The following AUTS2 variants were observed in gnomAD, a reference collection of about 807,000 sequenced individuals.
AUTS2 encodes activator of transcription and developmental regulator AUTS2.
In AUTS2, 17 loss-of-function variants were observed where a neutral mutation model predicts 112.4. The observed-to-expected ratio is 0.15, with a 90% confidence interval of 0.10 to 0.23. The LOEUF is 0.23. Among genes scored for constraint, AUTS2 ranks in the 10% least tolerant of loss-of-function variants. The pLI, the probability that AUTS2 is intolerant of heterozygous loss-of-function variation, is 1.00. For missense variants in AUTS2, 1,510 were observed against 1,701.6 expected, an observed-to-expected ratio of 0.89 and a Z score of 1.98; for synonymous variants, 751 against 702.7, an observed-to-expected ratio of 1.07 and a Z score of -1.09.
At chr7:70,569,684 C>T (rs1226240212) in intron 5 of AUTS2, among the ~76,000 whole-genome samples, 2 of 152,218 alleles carry the variant, frequency 1.3e-5, no homozygotes, top group African/African-American at 2.4e-5. Flanking sequence ...GCTACAGATC[C>T]TGGCTGCTAA....
intron 1 of AUTS2, among the ~76,000 whole-genome samples, chr7:69,680,528 T>G (rs1796745048): frequency 6.6e-6 from 1 of 152,244 alleles, no homozygotes; most frequent in African/African-American, 2.4e-5. Context: ...TATAGTCATT[T>G]CATTGTGAAA....
chr7:70,348,790 G>A (rs942717013), intron 4 of AUTS2, among the ~76,000 whole-genome samples: 28 of 152,134 alleles, frequency 1.8e-4, no homozygotes, highest in African/African-American at 6.5e-4. Flanking sequence ...CAGCCTGGGC[G>A]ACAGAGCGAG....
At chr7:70,182,351 T>C (rs1309109881) in intron 4 of AUTS2, among the ~76,000 whole-genome samples, 3 of 152,208 alleles carry the variant, frequency 2.0e-5, no homozygotes, top group Non-Finnish European at 4.4e-5. Flanking sequence ...TTATCCAGGA[T>C]GTTGAGGCTT....
intron 5 of AUTS2, among the ~76,000 whole-genome samples, chr7:70,521,345 C>A (rs1165971856): frequency 1.3e-5 from 2 of 152,116 alleles, no homozygotes; most frequent in African/African-American, 4.8e-5. Context: ...TGCATCTTGC[C>A]ATGTGATGTG....
At chr7:70,662,081 G>A (rs1448286347) in intron 5 of AUTS2, among the ~76,000 whole-genome samples, 1 of 152,210 alleles carries the variant, frequency 6.6e-6, no homozygotes, top group African/African-American at 2.4e-5. Flanking sequence ...TGTGGGCCAG[G>A]TGGGGGCTGT....
chr7:70,117,117 GTTT>G lies in AUTS2; in HGVS notation c.523-1008_523-1006del, dbSNP rs60488343. On this transcript the variant is annotated intron_variant, in intron 2 of 18. Coordinates refer to ENST00000342771, the MANE Select transcript of AUTS2 (RefSeq NM_015570.4). ...GAGATGACTTTTGTTTTTTTTTTTT[GTTT>G]TTTTTTGTTTTTTTTTGTTTTTTTT... 2.5e-4 allele frequency among the ~76,000 whole-genome samples: 18 copies of G among 73,102 alleles called. 1 individual carries two copies. Among genetic ancestry groups the G allele is most frequent in the African/African-American group, 8.2e-4 (14 of 17,160 alleles). 48.0% of individuals were successfully genotyped at this position (73,102 alleles called of 152,430 possible).
chr7:69,967,479 G>A (rs1482530436), intron 2 of AUTS2, among the ~76,000 whole-genome samples: 2 of 152,154 alleles, frequency 1.3e-5, no homozygotes, highest in African/African-American at 2.4e-5. Flanking sequence ...CAGTCCTGGA[G>A]TGCAGTTTCC....
intron 2 of AUTS2, among the ~76,000 whole-genome samples, chr7:70,000,604 G>A (rs1356152383): frequency 6.6e-6 from 1 of 152,152 alleles, no homozygotes; most frequent in Admixed American, 6.5e-5. Flanking sequence ...GTAGGAGAGA[G>A]AAATAATTCA....
chr7:69,821,749 A>G (rs1289927996), intron 1 of AUTS2, among the ~76,000 whole-genome samples: 1 of 151,928 alleles, frequency 6.6e-6, no homozygotes, highest in East Asian at 1.9e-4. Context: ...TCATTCTTGA[A>G]GTCAGTGAGA....
intron 4 of AUTS2, among the ~76,000 whole-genome samples, chr7:70,281,437 G>A (rs541429093): frequency 2.6e-5 from 4 of 152,222 alleles, no homozygotes; most frequent in Non-Finnish European, 5.9e-5. Context: ...TCGTCTCTTG[G>A]TGAAGAGAAG....
intron 5 of AUTS2, among the ~76,000 whole-genome samples, chr7:70,578,918 TTTTC>T (rs1426988196): frequency 9.5e-5 from 13 of 136,860 alleles, no homozygotes; most frequent in Middle Eastern, 3.5e-3. Context: ...CTTTCTTTTT[TTTTC>T]TTTCTTTTTT....
intron 10 of AUTS2, chr7:70,771,156 T>G (rs1563187003): frequency 6.4e-6 from 1 of 155,284 alleles, no homozygotes; most frequent in Non-Finnish European, 1.4e-5. Context: ...TTTTTTCTTT[T>G]TTCTGTCTTT....
At chr7:70,432,095 G>T (rs74840138) in intron 4 of AUTS2, among the ~76,000 whole-genome samples, 2,273 of 152,210 alleles carry the variant, frequency 0.015, 26 homozygotes, top group Middle Eastern at 0.054. Flanking sequence ...TTTTCACAGC[G>T]GGCTCTGAAA....
At chr7:69,840,774 C>A (rs919783129) in intron 1 of AUTS2, among the ~76,000 whole-genome samples, 1 of 152,126 alleles carries the variant, frequency 6.6e-6, no homozygotes, top group Admixed American at 6.5e-5. Flanking sequence ...GAAACAAACA[C>A]CCTGTCTTTA....
chr7:69,955,379 T>A (rs1372196390), intron 2 of AUTS2, among the ~76,000 whole-genome samples: 1 of 152,140 alleles, frequency 6.6e-6, no homozygotes, highest in East Asian at 1.9e-4. Context: ...CATAACAAGG[T>A]TCTCTACTTC....
chr7:70,023,328 A>G lies in AUTS2; in HGVS notation c.523-94804A>G, dbSNP rs544186608. ...TAAGTGATAGCTTTTCCAGTTCTTT[A>G]AACATTACAAACTGCCGTTCCTGGT... is the stretch of plus-strand genomic sequence containing the variant. On this transcript the variant is annotated intron_variant, in intron 2 of 18. Transcript: ENST00000342771. 8.5e-5 allele frequency among the ~76,000 whole-genome samples: 13 copies of G among 152,306 alleles called. No individual in the cohort carries two copies. In the East Asian group the frequency reaches 2.5e-3, roughly 29 times the overall value.
At chr7:70,444,343 C>T (rs891721291) in intron 5 of AUTS2, among the ~76,000 whole-genome samples, 4 of 138,766 alleles carry the variant, frequency 2.9e-5, no homozygotes, top group Non-Finnish European at 4.7e-5. Context: ...TGGTCATGTA[C>T]GTGTGTGTGT....
At chr7:69,930,462 A>G (rs1796185971) in intron 2 of AUTS2, among the ~76,000 whole-genome samples, 1 of 152,182 alleles carries the variant, frequency 6.6e-6, no homozygotes, top group Non-Finnish European at 1.5e-5. Context: ...TCTCCAGACA[A>G]TAAGGTGGGT....
chr7:70,546,124 T>A lies in AUTS2; in HGVS notation c.690+110343T>A, dbSNP rs115879952. Among the ~76,000 whole-genome samples the A allele has an allele frequency of 1.6e-3, 249 of 152,300 alleles. 2 individuals are homozygous for A. The highest frequency in any genetic ancestry group is 5.8e-3 in the African/African-American group (239 of 41,560). The stretch of plus-strand genomic sequence containing the variant: ...AACAAAATTAAAATTTACATATAGA[T>A]CAGTGAAAACACTGCTACAGAGTTA... On this transcript the variant is annotated intron_variant, in intron 5 of 18. Transcript: ENST00000342771.
Sources: gnomAD v4.1 joint callset for allele counts (sites outside exome capture counted in the v4.1 genomes callset) on GRCh38, gnomAD v4.1.1 for gene constraint, MANE v1.5 for transcripts, NCBI Gene and HGNC (gene_info 2026-07-23, HGNC 2026-07-21) for gene names.